TRIP12: variants seen among roughly 807,000 people sequenced by gnomAD.
TRIP12 encodes the protein E3 ubiquitin-protein ligase TRIP12.
Under a neutral mutation model 244.2 loss-of-function variants are expected in TRIP12, and 25 were observed. That is an observed-to-expected ratio of 0.10 (90% CI 0.07 to 0.14). TRIP12 has a LOEUF of 0.14. TRIP12 is among the 10% of genes least tolerant of loss of function. TRIP12 has a pLI of 1.00. For synonymous variants in TRIP12, 905 were observed against 873.1 expected, an observed-to-expected ratio of 1.04 and a Z score of -0.64; for missense variants, 1,677 against 2,486.4, an observed-to-expected ratio of 0.67 and a Z score of 6.92.
rs1490178856 is a variant in TRIP12 at position 229,766,199 on chromosome 2, T to A, written c.*1355A>T. 2 of 152,184 alleles carry A rather than the reference T, an allele frequency of 1.3e-5. No homozygotes were observed. Among genetic ancestry groups the A allele is most frequent in the Non-Finnish European group, 2.9e-5 (2 of 68,042 alleles). The allele number at this position is 152,184 out of a possible 1,614,324, so 9.4% of individuals were successfully genotyped here. On this transcript the variant is annotated 3_prime_UTR_variant, in exon 42 of 42. Coordinates refer to ENST00000675903, the MANE Select transcript of TRIP12 (RefSeq NM_001348323.3). Reference sequence around the variant, plus strand: ...TATGCCACAGGCCTAGTTTTGGACCTTAGGAAGGAATCTCCTCCCATTTTC... The same window carrying A: ...TATGCCACAGGCCTAGTTTTGGACCATAGGAAGGAATCTCCTCCCATTTTC...
At chr2:229,865,788 C>T (rs1487607560) in intron 2 of TRIP12, among the ~76,000 whole-genome samples, 1 of 152,176 alleles carries the variant, frequency 6.6e-6, no homozygotes, top group Non-Finnish European at 1.5e-5. Context: ...TCACTTTAAA[C>T]CACTTTAAAT....
intron 40 of TRIP12, 70 bp downstream of exon 40, chr2:229,769,161 G>T (rs1053523688): frequency 3.7e-6 from 5 of 1,363,538 alleles, no homozygotes; most frequent in Non-Finnish European, 3.1e-6. Flanking sequence ...GTGCGCATGT[G>T]TGTGTACACA....
intron 4 of TRIP12, among the ~76,000 whole-genome samples, chr2:229,855,812 C>T (rs1256187250): frequency 2.0e-5 from 3 of 151,894 alleles, no homozygotes; most frequent in African/African-American, 4.8e-5. Flanking sequence ...AAGGCTGAGG[C>T]GGGCAGATCA....
chr2:229,814,491 AAC>A (rs1317379572), intron 11 of TRIP12, 166 bp from the exon 12 acceptor site: 1 of 552,512 alleles, frequency 1.8e-6, no homozygotes, highest in East Asian at 3.0e-5. Context: ...GTATAGCCAA[AAC>A]AGTTTCCTTC....
chr2:229,779,087 AC>A (rs1368590036), intron 34 of TRIP12, 97 bp from the exon 35 acceptor site: 6 of 953,628 alleles, frequency 6.3e-6, no homozygotes, highest in Non-Finnish European at 1.0e-5. Context: ...GCAACTGTTT[AC>A]CAGGATGCAT....
intron 26 of TRIP12, among the ~76,000 whole-genome samples, chr2:229,794,489 C>T (rs2042308810): frequency 1.3e-5 from 2 of 152,144 alleles, no homozygotes; most frequent in East Asian, 3.9e-4. Flanking sequence ...ATCTCTTCAG[C>T]CAGGAGGTCA....
chr2:229,805,919 A>G, intron 17 of TRIP12, 36 bp from the exon 18 acceptor site: 1 of 1,478,234 alleles, frequency 6.8e-7, no homozygotes, highest in Non-Finnish European at 9.1e-7. Context: ...GAATATAAAC[A>G]TTGAGAAATC....
At chr2:229,910,667 GA>G (rs2074086889) in intron 1 of TRIP12, among the ~76,000 whole-genome samples, 1 of 152,034 alleles carries the variant, frequency 6.6e-6, no homozygotes, top group Admixed American at 6.6e-5. Context: ...AGAAGAGGCA[GA>G]AGGAGATTAT....
At chr2:229,872,109 A>C (rs1279946985) in intron 2 of TRIP12, among the ~76,000 whole-genome samples, 4 of 129,516 alleles carry the variant, frequency 3.1e-5, no homozygotes, top group African/African-American at 1.4e-4. Context: ...TATTGTAAAA[A>C]AAAAAAAAAA....
chr2:229,791,730 G>T, intron 29 of TRIP12, 136 bp downstream of exon 29: 2 of 872,728 alleles, frequency 2.3e-6, no homozygotes, highest in Non-Finnish European at 3.5e-6. Context: ...ATTTGAAATC[G>T]TCTTTCAGAA....
At chr2:229,903,014 T>TTC (rs761748174) in intron 1 of TRIP12, among the ~76,000 whole-genome samples, 9 of 6,968 alleles carry the variant, frequency 1.3e-3, no homozygotes, top group African/African-American at 2.6e-3. Context: ...CTTTTTCTTT[T>TTC]TTTCTTTTTT....
At chr2:229,892,886 T>C (rs889575238) in intron 1 of TRIP12, among the ~76,000 whole-genome samples, 2 of 151,862 alleles carry the variant, frequency 1.3e-5, no homozygotes, top group African/African-American at 4.8e-5. Context: ...AAATAAAAAA[T>C]AAAAAGCCAT....
upstream of TRIP12, chr2:229,922,576 A>G (rs1469709984): frequency 1.2e-6 from 2 of 1,614,102 alleles, no homozygotes; most frequent in Non-Finnish European, 1.7e-6. Flanking sequence ...CGCCTAGCAA[A>G]GACTATTACC....
chr2:229,802,548 T>A, intron 20 of TRIP12, 89 bp from the exon 21 acceptor site: 1 of 951,580 alleles, frequency 1.1e-6, no homozygotes, highest in Non-Finnish European at 1.6e-6. Flanking sequence ...ATACCAACAC[T>A]GACATAATAC....
chr2:229,799,234 T>C lies in TRIP12; in HGVS notation c.3307+49A>G, dbSNP rs190642694. 5,326 of 1,597,142 alleles carry C rather than the reference T, an allele frequency of 3.3e-3. 8 individuals carry two copies. The highest frequency in any genetic ancestry group is 4.3e-3 in the Non-Finnish European group (5,039 of 1,164,574). ...TTTTAATAAAGTACATTTCTGCACCTGCTACCACCCTCCCCTTTACCTCCC... is the reference window on the plus strand; with the variant it reads ...TTTTAATAAAGTACATTTCTGCACCCGCTACCACCCTCCCCTTTACCTCCC... On this transcript the variant is annotated intron_variant, in intron 22 of 41. Coordinates refer to ENST00000675903, the MANE Select transcript of TRIP12 (RefSeq NM_001348323.3).
At chr2:229,829,823 C>T (rs1322694168) in intron 7 of TRIP12, among the ~76,000 whole-genome samples, 1 of 152,216 alleles carries the variant, frequency 6.6e-6, no homozygotes, top group East Asian at 1.9e-4. Context: ...GTGGCAGGCA[C>T]CTGTAATTCT....
chr2:229,832,534 T>C (rs1451212951), intron 6 of TRIP12, among the ~76,000 whole-genome samples: 1 of 152,236 alleles, frequency 6.6e-6, no homozygotes, highest in Non-Finnish European at 1.5e-5. Flanking sequence ...CTACACACTA[T>C]AATGCTACTT....
At chr2:229,916,860 TAAAAAA>T (rs60111350) in intron 1 of TRIP12, among the ~76,000 whole-genome samples, 2 of 145,400 alleles carry the variant, frequency 1.4e-5, no homozygotes, top group Non-Finnish European at 3.0e-5. Flanking sequence ...AAATTTTACT[TAAAAAA>T]AAAAAAAGAA....
At chr2:229,863,066 A>G (rs1166790838) in intron 2 of TRIP12, among the ~76,000 whole-genome samples, 1 of 151,950 alleles carries the variant, frequency 6.6e-6, no homozygotes, top group Non-Finnish European at 1.5e-5. Context: ...CGTCTCTAAT[A>G]AAAACTACAA....
Sources: allele counts gnomAD v4.1 joint callset (sites outside exome capture counted in the v4.1 genomes callset), GRCh38; gene constraint gnomAD v4.1.1; transcripts MANE v1.5; gene names NCBI Gene and HGNC (gene_info 2026-07-23, HGNC 2026-07-21).